The following GAP43 variants were observed in gnomAD, a reference collection of about 807,000 sequenced individuals.
GAP43 encodes neuromodulin.
GAP43 carries 6 observed loss-of-function variants against 18.6 expected under a neutral mutation model. The ratio of observed to expected loss-of-function variants is 0.32; its 90% confidence interval spans 0.18 to 0.64. GAP43 has a LOEUF of 0.64. GAP43 is among the 30% of genes least tolerant of loss of function. The probability of loss-of-function intolerance (pLI) is 0.78; values close to 1 mark genes in which losing one functional copy is unlikely to be tolerated. For missense variants in GAP43, 292 were observed against 295.5 expected, an observed-to-expected ratio of 0.99 and a Z score of 0.09; for synonymous variants, 115 against 111.4, an observed-to-expected ratio of 1.03 and a Z score of -0.20.
intron 2 of GAP43, among the ~76,000 whole-genome samples, chr3:115,713,177 A>G (rs887045849): frequency 3.9e-5 from 6 of 152,058 alleles, no homozygotes; most frequent in Non-Finnish European, 7.4e-5. Context: ...GATTTTTATT[A>G]TTATTATTAT....
chr3:115,693,722 G>C (rs1709145004), intron 2 of GAP43, among the ~76,000 whole-genome samples: 1 of 142,792 alleles, frequency 7.0e-6, no homozygotes, highest in South Asian at 2.4e-4. Flanking sequence ...AACCGAAAGA[G>C]AGAAGAGTTG....
intron 1 of GAP43, among the ~76,000 whole-genome samples, chr3:115,672,868 GT>G (rs1258355817): frequency 1.0e-4 from 15 of 150,552 alleles, no homozygotes; most frequent in Non-Finnish European, 1.9e-4. Flanking sequence ...CTAAAATTTA[GT>G]TTTCCTAAAT....
At chr3:115,681,793 A>AT (rs1487937159) in intron 2 of GAP43, among the ~76,000 whole-genome samples, 1 of 152,174 alleles carries the variant, frequency 6.6e-6, no homozygotes, top group Non-Finnish European at 1.5e-5. Context: ...TGTGGTAGTA[A>AT]TGTAGTAGTG....
intron 2 of GAP43, among the ~76,000 whole-genome samples, chr3:115,719,050 C>T (rs1185782741): frequency 6.6e-6 from 1 of 152,168 alleles, no homozygotes; most frequent in Non-Finnish European, 1.5e-5. Flanking sequence ...CTAGTTTAAT[C>T]TCCTCAAAGC....
intron 1 of GAP43, chr3:115,658,999 A>C (rs1708623000): frequency 6.6e-6 from 1 of 152,494 alleles, no homozygotes; most frequent in Admixed American, 6.5e-5. Context: ...GAGGAGAGAA[A>C]GCTGGGTCAA....
At chr3:115,673,457 GA>G (rs1708839347) in intron 1 of GAP43, among the ~76,000 whole-genome samples, 1 of 152,164 alleles carries the variant, frequency 6.6e-6, no homozygotes, top group Non-Finnish European at 1.5e-5. Flanking sequence ...TGCTCCTTCT[GA>G]AACAATTGAC....
At chr3:115,674,390 C>T (rs28399381) in intron 1 of GAP43, among the ~76,000 whole-genome samples, 31,467 of 151,968 alleles carry the variant, frequency 0.21, 3,603 homozygotes, top group East Asian at 0.41. Flanking sequence ...TATGTAGTTG[C>T]CTACACAATT....
At chr3:115,623,784 A>G in intron 1 of GAP43, 65 bp downstream of exon 1, 1 of 1,578,178 alleles carries the variant, frequency 6.3e-7, no homozygotes, top group South Asian at 1.1e-5. Context: ...TTTCCCCGTA[A>G]AGGCAAACAA....
intron 1 of GAP43, among the ~76,000 whole-genome samples, chr3:115,672,610 T>C (rs1238681741): frequency 6.6e-6 from 1 of 152,162 alleles, no homozygotes; most frequent in Non-Finnish European, 1.5e-5. Flanking sequence ...AGTATTAACT[T>C]AAAATATTTT....
At chr3:115,700,633 G>A (rs1456834644) in intron 2 of GAP43, among the ~76,000 whole-genome samples, 1 of 152,014 alleles carries the variant, frequency 6.6e-6, no homozygotes, top group Non-Finnish European at 1.5e-5. Context: ...TATGTACACT[G>A]AAGTTAACTT....
intron 1 of GAP43, among the ~76,000 whole-genome samples, chr3:115,624,174 G>A (rs775381597): frequency 1.3e-4 from 20 of 152,192 alleles, no homozygotes; most frequent in African/African-American, 4.8e-4. Context: ...CACATGTGCT[G>A]CGGAAGATGC....
At chr3:115,640,216 CT>C (rs1157783890) in intron 1 of GAP43, among the ~76,000 whole-genome samples, 1 of 151,962 alleles carries the variant, frequency 6.6e-6, no homozygotes, top group Non-Finnish European at 1.5e-5. Context: ...ATGAAGTACA[CT>C]TTAGCTGAAA....
At chr3:115,671,652 A>G (rs1218110831) in intron 1 of GAP43, among the ~76,000 whole-genome samples, 1 of 152,252 alleles carries the variant, frequency 6.6e-6, no homozygotes, top group Non-Finnish European at 1.5e-5. Context: ...ATTCGCAGAT[A>G]TCAACAATTC....
At chr3:115,665,493 G>T (rs1708721265) in intron 1 of GAP43, among the ~76,000 whole-genome samples, 1 of 151,934 alleles carries the variant, frequency 6.6e-6, no homozygotes, top group Admixed American at 6.6e-5. Context: ...TTTTTTAAAG[G>T]GGATGGCACA....
At chr3:115,659,693 TA>T (rs994101702) in intron 1 of GAP43, among the ~76,000 whole-genome samples, 25 of 152,062 alleles carry the variant, frequency 1.6e-4, no homozygotes, top group African/African-American at 5.8e-4. Flanking sequence ...TCCCCATCCC[TA>T]AAAGCTGATG....
intron 2 of GAP43, among the ~76,000 whole-genome samples, chr3:115,707,329 C>T (rs1321729429): frequency 6.6e-6 from 1 of 152,166 alleles, no homozygotes; most frequent in South Asian, 2.1e-4. Context: ...GAGGCAGGCT[C>T]TTGCTCTGTC....
chr3:115,652,914 A>T (rs1708540111), intron 1 of GAP43, among the ~76,000 whole-genome samples: 2 of 152,204 alleles, frequency 1.3e-5, no homozygotes, highest in African/African-American at 4.8e-5. Flanking sequence ...TGGATTCCGT[A>T]CAATTTTATA....
At chr3:115,630,234 C>A (rs1183407618) in intron 1 of GAP43, among the ~76,000 whole-genome samples, 1 of 152,128 alleles carries the variant, frequency 6.6e-6, no homozygotes, top group Non-Finnish European at 1.5e-5. Flanking sequence ...TCTTTAAATG[C>A]ATGTAGTGCT....
chr3:115,707,281 T>C (rs1340026171), intron 2 of GAP43, among the ~76,000 whole-genome samples: 5 of 152,068 alleles, frequency 3.3e-5, no homozygotes, highest in Admixed American at 2.6e-4. Context: ...AAGTAGAATT[T>C]ATTTATTTGT....
Sources: allele counts gnomAD v4.1 joint callset (sites outside exome capture counted in the v4.1 genomes callset), GRCh38; gene constraint gnomAD v4.1.1; transcripts MANE v1.5; gene names NCBI Gene and HGNC (gene_info 2026-07-23, HGNC 2026-07-21).